Variants in MAN2A1 observed in about 807,000 individuals in gnomAD.
MAN2A1 encodes alpha-mannosidase 2.
MAN2A1 carries 76 observed loss-of-function variants against 142.6 expected under a neutral mutation model. The ratio of observed to expected loss-of-function variants is 0.53; its 90% CI spans 0.44 to 0.65. The LOEUF (loss-of-function observed/expected upper bound fraction) is 0.65. MAN2A1 is among the 30% of genes least tolerant of loss of function. The probability of loss-of-function intolerance (pLI) is 0.00; values close to 1 mark genes in which losing one functional copy is unlikely to be tolerated. For missense variants in MAN2A1, 1,311 were observed against 1,365.1 expected (o/e 0.96, Z 0.62); for synonymous variants, 559 against 473.2 (o/e 1.18, Z -2.35).
chr5:109,711,002 A>AT (rs756247160), intron 1 of MAN2A1, among the ~76,000 whole-genome samples: 24 of 151,506 alleles, frequency 1.6e-4, no homozygotes, highest in Admixed American at 1.1e-3. Context: ...TAATTTTTGT[A>AT]TTTTTAGTAG....
At chr5:109,799,504 C>A (rs1237562831) in intron 12 of MAN2A1, among the ~76,000 whole-genome samples, 1 of 152,206 alleles carries the variant, frequency 6.6e-6, no homozygotes, top group Admixed American at 6.5e-5. Context: ...CCTGTAATCC[C>A]AGCACTTTGG....
At chr5:109,759,016 C>A (rs1022860682) in intron 5 of MAN2A1, among the ~76,000 whole-genome samples, 1 of 152,004 alleles carries the variant, frequency 6.6e-6, no homozygotes, top group African/African-American at 2.4e-5. Context: ...ATTGGGAAGT[C>A]TGAGTTCTGC....
At chr5:109,782,141 TAGA>T (rs1265657278) in intron 9 of MAN2A1, among the ~76,000 whole-genome samples, 1 of 152,188 alleles carries the variant, frequency 6.6e-6, no homozygotes, top group Non-Finnish European at 1.5e-5. Context: ...GTCATCTGCA[TAGA>T]AGAACAACAT....
intron 15 of MAN2A1, among the ~76,000 whole-genome samples, chr5:109,821,847 T>G (rs528634319): frequency 1.6e-4 from 24 of 152,212 alleles, no homozygotes; most frequent in South Asian, 8.3e-4. Flanking sequence ...TCATTTAGTT[T>G]GTTAATTATT....
At chr5:109,809,220 A>G (rs1334862707) in intron 12 of MAN2A1, among the ~76,000 whole-genome samples, 1 of 152,160 alleles carries the variant, frequency 6.6e-6, no homozygotes, top group East Asian at 1.9e-4. Flanking sequence ...TCTTTTATAG[A>G]TGATTTTAAT....
At chr5:109,820,858 A>C (rs577259338) in intron 15 of MAN2A1, among the ~76,000 whole-genome samples, 1 of 152,338 alleles carries the variant, frequency 6.6e-6, no homozygotes, top group South Asian at 2.1e-4. Flanking sequence ...AACAATGTTC[A>C]GTTAGGATAA....
chr5:109,804,805 T>C (rs927825511), intron 12 of MAN2A1, among the ~76,000 whole-genome samples: 1 of 152,204 alleles, frequency 6.6e-6, no homozygotes, highest in African/African-American at 2.4e-5. Context: ...AACACAGATA[T>C]AGACAGTGAA....
At position 109,867,044 on chromosome 5, in the gene MAN2A1, T is replaced by C. The variant is rs1755902856; in HGVS notation, c.*46T>C. 1 of 1,544,366 alleles carries C rather than the reference T, an allele frequency of 6.5e-7. No homozygotes were observed. The highest frequency in any genetic ancestry group is 1.8e-5 in the Admixed American group (1 of 54,328). ...TTGAGAATCATTGGCTTTTATACCT[T>C]TCTTGGTTTGACGTGCAATAAAGAA... is the stretch of plus-strand genomic sequence containing the variant. On this transcript the variant is annotated 3_prime_UTR_variant, in exon 22 of 22. Transcript: ENST00000261483.
intron 4 of MAN2A1, 74 bp downstream of exon 4, chr5:109,729,587 T>G: frequency 2.7e-6 from 2 of 748,196 alleles, no homozygotes; most frequent in Non-Finnish European, 4.0e-6. Context: ...ATTGAATTTT[T>G]AGATGGTGAA....
At chr5:109,745,544 A>T (rs1422696343) in intron 4 of MAN2A1, among the ~76,000 whole-genome samples, 1 of 152,186 alleles carries the variant, frequency 6.6e-6, no homozygotes, top group African/African-American at 2.4e-5. Flanking sequence ...AAAGATTTAA[A>T]GTACATCCCC....
chr5:109,848,664 C>T (rs2112765882), intron 19 of MAN2A1, among the ~76,000 whole-genome samples: 1 of 152,268 alleles, frequency 6.6e-6, no homozygotes, highest in Admixed American at 6.6e-5. Context: ...TCTTCACCCA[C>T]CTCAGCATCC....
chr5:109,830,762 T>A (rs1754886090), intron 16 of MAN2A1, among the ~76,000 whole-genome samples: 2 of 152,230 alleles, frequency 1.3e-5, no homozygotes, highest in Admixed American at 6.5e-5. Flanking sequence ...CTAAGGATTT[T>A]TTTCCCTGTT....
At chr5:109,703,575 T>C (rs566378998) in intron 1 of MAN2A1, among the ~76,000 whole-genome samples, 1 of 152,270 alleles carries the variant, frequency 6.6e-6, no homozygotes, top group South Asian at 2.1e-4. Flanking sequence ...TAAAAATAAG[T>C]TTTAGAAGTA....
At chr5:109,842,907 G>A (rs143000198) in intron 17 of MAN2A1, among the ~76,000 whole-genome samples, 206 of 147,766 alleles carry the variant, frequency 1.4e-3, no homozygotes, top group African/African-American at 4.9e-3. Flanking sequence ...CCAGGTTCAA[G>A]CGACTCTCCT....
chr5:109,859,354 C>G (rs1488681453), intron 20 of MAN2A1, among the ~76,000 whole-genome samples: 1 of 152,154 alleles, frequency 6.6e-6, no homozygotes, highest in Non-Finnish European at 1.5e-5. Flanking sequence ...ACATATCTTG[C>G]TTTTCTGCTT....
intron 13 of MAN2A1, 93 bp from the exon 14 acceptor site, chr5:109,819,576 T>C: frequency 1.5e-6 from 1 of 688,318 alleles, no homozygotes; most frequent in South Asian, 2.7e-5. Flanking sequence ...TTAAAAAATA[T>C]GATAGTTTGT....
chr5:109,826,586 T>G (rs1479871892), intron 16 of MAN2A1, among the ~76,000 whole-genome samples: 1 of 152,230 alleles, frequency 6.6e-6, no homozygotes, highest in Non-Finnish European at 1.5e-5. Flanking sequence ...GAGAGAGTCT[T>G]TCCTTAGTAA....
chr5:109,786,657 CATTTT>C lies in MAN2A1; in HGVS notation c.1760+1733_1760+1737del, dbSNP rs1753603158. On this transcript the variant is annotated intron_variant, in intron 10 of 21. Coordinates refer to ENST00000261483, the MANE Select transcript of MAN2A1 (RefSeq NM_002372.4). ...ACAATTACCAAGTCATTAGCACAGA[CATTTT>C]AAGGAGGAAATTTCAAAACATAAGT... Among the ~76,000 whole-genome samples the C allele has an allele frequency of 2.6e-5, 4 of 152,024 alleles. No individual in the cohort carries two copies. In the South Asian group the frequency reaches 8.3e-4, roughly 32 times the overall value.
Position 109,708,509 on chromosome 5 carries a change from GACAC to G in MAN2A1, c.136-4977_136-4974del, listed in dbSNP as rs145989678. Among the ~76,000 whole-genome samples, 35 of 124,578 alleles carry G rather than the reference GACAC, an allele frequency of 2.8e-4. 1 individual carries two copies. The highest frequency in any genetic ancestry group is 6.3e-4 in the South Asian group (2 of 3,174). The allele number at this position is 124,578 out of a possible 152,430, so 81.7% of individuals were successfully genotyped here. A position where few individuals can be genotyped will look rare whatever the true frequency, so the allele number is the denominator to read the frequency against. Reference sequence around the variant, plus strand: ...TTCTCCAGAAAGACAGAACTGATAGGACACACACACACACACACACACACACACA... The same window carrying G: ...TTCTCCAGAAAGACAGAACTGATAGGACACACACACACACACACACACACA... On this transcript the variant is annotated intron_variant, in intron 1 of 21. Transcript: ENST00000261483.
Sources: allele counts gnomAD v4.1 joint callset (sites outside exome capture counted in the v4.1 genomes callset), GRCh38; gene constraint gnomAD v4.1.1; transcripts MANE v1.5; gene names NCBI Gene and HGNC (gene_info 2026-07-23, HGNC 2026-07-21).